CUBN: variants seen among roughly 807,000 people sequenced by gnomAD.
CUBN encodes the protein 460 kDa receptor.
CUBN carries 282 observed loss-of-function variants against 405.3 expected under a neutral mutation model. That is an observed-to-expected ratio of 0.70 (90% CI 0.63 to 0.77). The LOEUF (loss-of-function observed/expected upper bound fraction) is 0.77. Ranked by LOEUF, CUBN falls within the 30% of genes least tolerant of loss-of-function variation. The probability of loss-of-function intolerance (pLI) is 0.00; values close to 1 mark genes in which losing one functional copy is unlikely to be tolerated. For synonymous variants in CUBN, 1,684 were observed against 1,617.0 expected (o/e 1.04, Z -0.99); for missense variants, 4,514 against 4,475.2 (o/e 1.01, Z -0.25).
At chr10:17,124,392 TC>T (rs1436278020) in intron 4 of CUBN, among the ~76,000 whole-genome samples, 2 of 152,028 alleles carry the variant, frequency 1.3e-5, no homozygotes, top group Non-Finnish European at 2.9e-5. Flanking sequence ...AGAGAAAACT[TC>T]TTTTTTTTCT....
intron 22 of CUBN, among the ~76,000 whole-genome samples, chr10:17,060,278 C>T (rs1245440400): frequency 5.9e-5 from 9 of 152,052 alleles, no homozygotes; most frequent in East Asian, 1.9e-4. Flanking sequence ...TGAGCCACCA[C>T]GCCTGGCTAA....
chr10:16,897,417 G>A (rs781278958), intron 54 of CUBN, among the ~76,000 whole-genome samples: 1 of 152,122 alleles, frequency 6.6e-6, no homozygotes, highest in Non-Finnish European at 1.5e-5. Context: ...TGGTGCTACC[G>A]GGGCTCTCAC....
intron 31 of CUBN, among the ~76,000 whole-genome samples, chr10:16,960,505 C>A (rs973459823): frequency 9.9e-5 from 15 of 151,838 alleles, no homozygotes; most frequent in Admixed American, 3.9e-4. Context: ...ACAAAACAAA[C>A]AAAAAACCCC....
intron 22 of CUBN, among the ~76,000 whole-genome samples, chr10:17,064,781 A>G (rs1835576050): frequency 6.6e-6 from 1 of 152,170 alleles, no homozygotes; most frequent in East Asian, 1.9e-4. Context: ...TTTGTTTCCT[A>G]TACTTCATTT....
At chr10:17,116,090 T>G (rs1471145387) in intron 6 of CUBN, among the ~76,000 whole-genome samples, 2 of 152,222 alleles carry the variant, frequency 1.3e-5, no homozygotes, top group Admixed American at 1.3e-4. Context: ...TCATTATTAT[T>G]ATCTTACAAA....
Position 16,955,117 on chromosome 10 carries a change from TCCCAG to T in CUBN, c.4696-574_4696-570del, listed in dbSNP as rs375346019. Among the ~76,000 whole-genome samples, 56 of 152,156 alleles carry T rather than the reference TCCCAG, an allele frequency of 3.7e-4. 1 individual carries two copies. Among genetic ancestry groups the T allele is most frequent in the Middle Eastern group, 3.4e-3 (1 of 294 alleles). ...CGTGCATGGTGGCTCACATCTACAA[TCCCAG>T]CACTTTGGGAGGCTGAGGCGGGTGG... On this transcript the variant is annotated intron_variant, in intron 31 of 66. Transcript: ENST00000377833.
chr10:16,989,834 C>T (rs543728314), intron 29 of CUBN, among the ~76,000 whole-genome samples: 4 of 152,316 alleles, frequency 2.6e-5, no homozygotes, highest in African/African-American at 7.2e-5. Context: ...CCTGGTAGGC[C>T]ATCCCTGTGC....
At chr10:16,877,130 C>A in intron 56 of CUBN, 33 bp from the exon 57 acceptor site, 1 of 1,577,634 alleles carries the variant, frequency 6.3e-7, no homozygotes, top group South Asian at 1.1e-5. Context: ...GCATTATGAT[C>A]AGAACCTACA....
chr10:17,123,253 C>G (rs1160373758), intron 5 of CUBN, among the ~76,000 whole-genome samples: 3 of 151,864 alleles, frequency 2.0e-5, no homozygotes, highest in African/African-American at 7.3e-5. Flanking sequence ...AATAAACAAA[C>G]AAAGAAAATG....
intron 27 of CUBN, among the ~76,000 whole-genome samples, chr10:17,030,086 G>A (rs374907677): frequency 4.7e-4 from 71 of 152,284 alleles, no homozygotes; most frequent in African/African-American, 1.7e-3. Context: ...TATGAGAATC[G>A]AATGCCTGAT....
chr10:17,078,001 C>G (rs998044245), intron 17 of CUBN, among the ~76,000 whole-genome samples: 3 of 152,056 alleles, frequency 2.0e-5, no homozygotes, highest in Non-Finnish European at 4.4e-5. Context: ...ATAAGTTTTA[C>G]CTAGAAGTGC....
intron 27 of CUBN, among the ~76,000 whole-genome samples, chr10:17,033,211 C>T (rs1834821721): frequency 6.6e-6 from 1 of 152,164 alleles, no homozygotes. Context: ...CTGAGAGCCT[C>T]ACACTGCTCT....
chr10:17,071,636 C>A, intron 18 of CUBN, 32 bp from the exon 19 acceptor site: 1 of 1,592,016 alleles, frequency 6.3e-7, no homozygotes, highest in Non-Finnish European at 8.6e-7. Flanking sequence ...TAGTGCTTGT[C>A]CAGATATTAA....
rs766396929 is a variant in CUBN at position 16,840,976 on chromosome 10, A to G, written c.9735T>C (p.Phe3245=). Residue 3245 remains phenylalanine, a synonymous_variant, in exon 61 of 67, where the codon TTT becomes TTC. Transcript: ENST00000377833. ...TFCGSTVPAP[F]ISSGNFLTVQ... is the part of the protein sequence containing the mutation. ...CCGTAAGGAAGTTACCAGAAGAGAT[A>G]AAAGGAGCAGGTACTGTGGAACCAC... The G allele has an allele frequency of 1.3e-5, 21 of 1,614,084 alleles. No individual in the cohort carries two copies. Among genetic ancestry groups the G allele is most frequent in the Non-Finnish European group, 1.8e-5 (21 of 1,179,940 alleles).
At chr10:17,078,031 C>T (rs1835887639) in intron 17 of CUBN, among the ~76,000 whole-genome samples, 1 of 152,138 alleles carries the variant, frequency 6.6e-6, no homozygotes, top group South Asian at 2.1e-4. Context: ...TGATTGCAAA[C>T]TCCAGTAGGT....
Position 16,984,202 on chromosome 10 carries a change from C to T in CUBN, c.4428G>A (p.Gln1476=). ...CTQRSPENPM[Q]VSSTGNELAI... is the part of the protein sequence containing the mutation. ...CTAGCTCATTTCCAGTGCTGGAGAC[C>T]TGCATGGGGTTCTCAGGTGATCTCT... The change falls in exon 30 of 67, where the codon CAG becomes CAA. Residue 1476 remains glutamine (Q), a synonymous_variant. Transcript: ENST00000377833. 1.2e-6 allele frequency: 2 copies of T among 1,614,128 alleles called. No individual in the cohort carries two copies. The highest frequency in any genetic ancestry group is 1.7e-6 in the Non-Finnish European group (2 of 1,180,028).
rs139330486 is a variant in CUBN at position 17,018,515 on chromosome 10, C to T, written c.4168+1318G>A. ...AAGCCGCAGACCTTCGCAGTGAGTGCTACAGCTCATTAAGGTAGTGTGGAC... is the reference window on the plus strand; with the variant it reads ...AAGCCGCAGACCTTCGCAGTGAGTGTTACAGCTCATTAAGGTAGTGTGGAC... On this transcript the variant is annotated intron_variant, in intron 28 of 66. Coordinates refer to ENST00000377833, the MANE Select transcript of CUBN (RefSeq NM_001081.4). 2.8e-3 allele frequency among the ~76,000 whole-genome samples: 431 copies of T among 152,294 alleles called. 3 individuals are homozygous for T. The highest frequency in any genetic ancestry group is 9.5e-3 in the African/African-American group (393 of 41,566).
At chr10:16,988,716 C>T (rs138547059) in intron 29 of CUBN, among the ~76,000 whole-genome samples, 15 of 152,222 alleles carry the variant, frequency 9.9e-5, no homozygotes, top group Middle Eastern at 3.4e-3. Context: ...TTTCCTGTAA[C>T]GTCCATACTA....
At chr10:17,118,683 C>A (rs543360467) in intron 6 of CUBN, among the ~76,000 whole-genome samples, 34 of 152,284 alleles carry the variant, frequency 2.2e-4, no homozygotes, top group African/African-American at 6.5e-4. Context: ...GTGATCCACC[C>A]ACCTCGGCCT....
Sources: gnomAD v4.1 joint callset for allele counts (sites outside exome capture counted in the v4.1 genomes callset) on GRCh38, gnomAD v4.1.1 for gene constraint, MANE v1.5 for transcripts, NCBI Gene and HGNC (gene_info 2026-07-23, HGNC 2026-07-21) for gene names.